Variants in NOL10 observed in about 807,000 individuals in gnomAD.
NOL10 encodes the protein H_NH0074G24.1.
NOL10 carries 58 observed loss-of-function variants against 103.5 expected under a neutral mutation model. The ratio of observed to expected loss-of-function variants is 0.56; its 90% confidence interval spans 0.45 to 0.70. NOL10 has a LOEUF of 0.70. NOL10 is among the 30% of genes least tolerant of loss of function. The pLI is 0.00. For synonymous variants in NOL10, 287 were observed against 282.5 expected (o/e 1.02, Z -0.16); for missense variants, 763 against 807.3 (o/e 0.95, Z 0.67).
At position 10,657,853 on chromosome 2, in the gene NOL10, T is replaced by C. The variant is rs1236971864; in HGVS notation, c.795A>G (p.Leu265=). 1 of 1,549,484 alleles carries C rather than the reference T, an allele frequency of 6.5e-7. No individual in the cohort carries two copies. The highest frequency in any genetic ancestry group is 2.4e-5 in the East Asian group (1 of 40,858). ...GCAGCCCATACTGGTGATCTTTAACTAGCAATGGCTTATCAGATCGAAGGT... is the reference window on the plus strand; with the variant it reads ...GCAGCCCATACTGGTGATCTTTAACCAGCAATGGCTTATCAGATCGAAGGT... The part of the protein sequence containing the change: ...LYDLRSDKPL[L]VKDHQYGLPI... Residue 265 remains leucine, a synonymous_variant, in exon 11 of 21, where the codon CTA becomes CTG. Transcript: ENST00000381685.
At chr2:10,619,128 A>AGTAT (rs987465394) in intron 13 of NOL10, among the ~76,000 whole-genome samples, 1 of 152,204 alleles carries the variant, frequency 6.6e-6, no homozygotes, top group Non-Finnish European at 1.5e-5. Flanking sequence ...GAACCACTGT[A>AGTAT]GTATGTATGT....
chr2:10,667,090 T>C, intron 8 of NOL10, 128 bp downstream of exon 8: 1 of 659,756 alleles, frequency 1.5e-6, no homozygotes, highest in Admixed American at 2.4e-5. Context: ...AATGTTACTC[T>C]ACAGGATGTT....
intron 13 of NOL10, among the ~76,000 whole-genome samples, chr2:10,637,865 A>C (rs1364945129): frequency 6.6e-6 from 1 of 152,242 alleles, no homozygotes; most frequent in Non-Finnish European, 1.5e-5. Flanking sequence ...TGCAGGCTCC[A>C]AGAGTACTTT....
At chr2:10,652,983 G>A (rs1477067116) in intron 12 of NOL10, among the ~76,000 whole-genome samples, 6 of 152,176 alleles carry the variant, frequency 3.9e-5, no homozygotes, top group Admixed American at 3.9e-4. Context: ...ATCACTTGAG[G>A]TCAGGAGTTT....
chr2:10,609,780 A>G (rs1676457638), intron 13 of NOL10, among the ~76,000 whole-genome samples: 1 of 152,176 alleles, frequency 6.6e-6, no homozygotes, highest in Non-Finnish European at 1.5e-5. Flanking sequence ...TAAAACAGCA[A>G]TCTTTTCTTT....
At chr2:10,613,076 T>C (rs1676655501) in intron 13 of NOL10, among the ~76,000 whole-genome samples, 1 of 150,924 alleles carries the variant, frequency 6.6e-6, no homozygotes, top group African/African-American at 2.4e-5. Flanking sequence ...AAAAAGGACC[T>C]AAGTAAATTA....
In NOL10 at chr2:10,675,829, A is replaced by T. The variant is rs1217362271; in HGVS notation, c.254T>A (p.Leu85Ter). ...PRVRCYDTYQ[L>*]SLKFERCLDS... is the part of the protein sequence containing the mutation. ...TAAACACCTTTCAAACTTCAAGGAT[A>T]ATTGATAGGTGTCATAACATCGAAC... is the stretch of plus-strand genomic sequence containing the variant. Residue 85 changes from leucine to a stop codon, truncating the protein, a stop_gained, in exon 4 of 21, where the codon TTA becomes TAA. Transcript: ENST00000381685. LOFTEE classifies it high-confidence loss of function. 6.3e-7 allele frequency: 1 copy of T among 1,581,428 alleles called. No homozygotes were observed. The highest frequency in any genetic ancestry group is 1.3e-5 in the African/African-American group (1 of 74,394).
chr2:10,686,725 G>A (rs985233030), intron 1 of NOL10, among the ~76,000 whole-genome samples: 29 of 152,164 alleles, frequency 1.9e-4, no homozygotes, highest in African/African-American at 6.3e-4. Context: ...GCATTTTCTA[G>A]TGGATTGTAT....
intron 1 of NOL10, among the ~76,000 whole-genome samples, chr2:10,688,431 C>A (rs1356845991): frequency 1.3e-5 from 2 of 152,200 alleles, no homozygotes; most frequent in African/African-American, 2.4e-5. Flanking sequence ...TCCTACATGT[C>A]CAGTGCATTC....
chr2:10,634,513 G>A (rs1467061979), intron 13 of NOL10: 3 of 456,672 alleles, frequency 6.6e-6, no homozygotes, highest in South Asian at 3.1e-5. Context: ...AAGTGGAGAA[G>A]CCGAGTAGAC....
chr2:10,607,750 TTTA>T (rs373298093), intron 13 of NOL10, among the ~76,000 whole-genome samples: 18 of 144,734 alleles, frequency 1.2e-4, no homozygotes, highest in African/African-American at 2.5e-4. Flanking sequence ...AAAAACAATA[TTTA>T]TTATTATTAT....
At chr2:10,670,233 C>T (rs1209271148) in intron 6 of NOL10, among the ~76,000 whole-genome samples, 1 of 152,042 alleles carries the variant, frequency 6.6e-6, no homozygotes, top group African/African-American at 2.4e-5. Flanking sequence ...TATACCTTCA[C>T]TTTCAGCAAC....
intron 14 of NOL10, among the ~76,000 whole-genome samples, chr2:10,605,171 ACC>A (rs1676182340): frequency 1.3e-5 from 2 of 152,178 alleles, no homozygotes. Flanking sequence ...TGGGATGTAA[ACC>A]CATGTCAGTC....
rs869294782 is a variant in NOL10, at chr2:10,638,483, CTTTTTTT to C, written c.1026+5830_1026+5836del. ...GCACATACCCTTATAGCTGAATTCC[CTTTTTTT>C]TTTTTTTTTTTTTTTTTTTGAGATA... On this transcript the variant is annotated intron_variant, in intron 13 of 20. Coordinates refer to ENST00000381685, the MANE Select transcript of NOL10 (RefSeq NM_024894.4). Among the ~76,000 whole-genome samples, 455 of 77,750 alleles carry C rather than the reference CTTTTTTT, an allele frequency of 5.9e-3. 3 individuals are homozygous for C. The highest frequency in any genetic ancestry group is 0.018 in the African/African-American group (336 of 18,662). The allele number at this position is 77,750 out of a possible 152,430, so 51.0% of individuals were successfully genotyped here. A position where few individuals can be genotyped will look rare whatever the true frequency, so the allele number is the denominator to read the frequency against.
At chr2:10,574,533 G>A (rs375364219) in intron 20 of NOL10, among the ~76,000 whole-genome samples, 4 of 151,912 alleles carry the variant, frequency 2.6e-5, no homozygotes, top group South Asian at 4.2e-4. Flanking sequence ...TGTAGTCCCA[G>A]CTACTCGGGA....
intron 13 of NOL10, among the ~76,000 whole-genome samples, chr2:10,628,492 T>C (rs1677628497): frequency 6.6e-6 from 1 of 152,190 alleles, no homozygotes; most frequent in Non-Finnish European, 1.5e-5. Flanking sequence ...ATTTTTAAAA[T>C]TGTTCCCCTT....
chr2:10,625,215 T>C (rs572233615), intron 13 of NOL10, among the ~76,000 whole-genome samples: 1 of 152,136 alleles, frequency 6.6e-6, no homozygotes, highest in Non-Finnish European at 1.5e-5. Flanking sequence ...CATTATACAT[T>C]TGTCAAAACC....
chr2:10,604,793 T>C (rs1362351596), intron 14 of NOL10: 1 of 152,170 alleles, frequency 6.6e-6, no homozygotes, highest in Non-Finnish European at 1.5e-5. Flanking sequence ...TACAGTTAAC[T>C]CCATGGATCA....
At chr2:10,671,219 G>A (rs1055019152) in intron 6 of NOL10, among the ~76,000 whole-genome samples, 3 of 152,026 alleles carry the variant, frequency 2.0e-5, no homozygotes, top group African/African-American at 7.2e-5. Flanking sequence ...TGTGGCAACC[G>A]GGCTAAACTG....
Sources: gnomAD v4.1 joint callset for allele counts (sites outside exome capture counted in the v4.1 genomes callset) on GRCh38, gnomAD v4.1.1 for gene constraint, MANE v1.5 for transcripts, NCBI Gene and HGNC (gene_info 2026-07-23, HGNC 2026-07-21) for gene names.